CAMK2G: variants seen among roughly 807,000 people sequenced by gnomAD.
The protein encoded by CAMK2G is calcium/calmodulin-dependent protein kinase type II subunit gamma.
CAMK2G carries 23 observed loss-of-function variants against 88.7 expected under a neutral mutation model. That is an observed-to-expected ratio of 0.26 (90% confidence interval 0.19 to 0.37). The LOEUF (loss-of-function observed/expected upper bound fraction) is 0.37, where lower values mean the gene tolerates loss of function less well. Ranked by LOEUF, CAMK2G falls within the 10% of genes least tolerant of loss-of-function variation. The pLI is 1.00. For missense variants in CAMK2G, 476 were observed against 780.8 expected (o/e 0.61, Z 4.65); for synonymous variants, 263 against 294.8 (o/e 0.89, Z 1.11).
rs765221929 is a variant in CAMK2G, at chr10:73,824,063, G to A, written c.1177C>T (p.His393Tyr). 1.2e-6 allele frequency: 2 copies of A among 1,613,480 alleles called. No individual in the cohort carries two copies. The highest frequency in any genetic ancestry group is 2.2e-5 in the East Asian group (1 of 44,882). ...TAMEPQTTVV[H>Y]NATDGIKGST... The stretch of plus-strand genomic sequence containing the variant: ...ACCTTGATCCCATCTGTAGCGTTGT[G>A]TACCACAGTGGTTTGTGGCTCCTGT... Residue 393 changes from histidine (H) to tyrosine (Y), a missense_variant, in exon 17 of 23, where the codon CAC (histidine) becomes TAC (tyrosine). Transcript: ENST00000423381.
In CAMK2G at chr10:73,874,416, G is replaced by T. The variant is rs2096007496; in HGVS notation, c.46C>A (p.Leu16Ile). Residue 16 changes from leucine to isoleucine, a missense_variant, in exon 1 of 23, where the codon CTC becomes ATC. Transcript: ENST00000423381. ...CCGTACTTGCCAAGCTCCTCGAAGAGCTGGTAGTCGTCGGTGAAACGGGTG... is the reference window on the plus strand; with the variant it reads ...CCGTACTTGCCAAGCTCCTCGAAGATCTGGTAGTCGTCGGTGAAACGGGTG... ...TCTRFTDDYQLFEELGKGAFS... is the reference protein window; with the variant it reads ...TCTRFTDDYQIFEELGKGAFS... 1 of 1,515,314 alleles carries T rather than the reference G, an allele frequency of 6.6e-7. No homozygotes were observed. Among genetic ancestry groups the T allele is most frequent in the East Asian group, 2.7e-5 (1 of 37,734 alleles). The allele number at this position is 1,515,314 out of a possible 1,614,324, so 93.9% of individuals were successfully genotyped here.
chr10:73,849,420 G>A lies in CAMK2G; in HGVS notation c.342-87C>T. The stretch of plus-strand genomic sequence containing the variant: ...AACCACATGCTGCAGACTAAGGCAT[G>A]TGACAAGGGGCCACGGATTCACAGA... On this transcript the variant is annotated intron_variant, in intron 5 of 22. Transcript: ENST00000423381. 6 of 872,594 alleles carry A rather than the reference G, an allele frequency of 6.9e-6. No individual in the cohort carries two copies. The Admixed American group carries it at 1.0e-4, about 15-fold the overall frequency. 54.1% of individuals were successfully genotyped at this position (872,594 alleles called of 1,614,324 possible). A position where few individuals can be genotyped will look rare whatever the true frequency, so the allele number is the denominator to read the frequency against.
chr10:73,859,989 A>G (rs773928904), intron 3 of CAMK2G, among the ~76,000 whole-genome samples: 1 of 152,224 alleles, frequency 6.6e-6, no homozygotes, highest in Non-Finnish European at 1.5e-5. Context: ...AGCACAGAAC[A>G]CGTGTTGTCT....
At chr10:73,817,285 C>T (rs548272365) in intron 20 of CAMK2G, among the ~76,000 whole-genome samples, 168 bp from the exon 21 acceptor site, 27 of 152,330 alleles carry the variant, frequency 1.8e-4, no homozygotes, top group South Asian at 1.0e-3. Flanking sequence ...CCTGTGCTTT[C>T]GGCCCACTGC....
At chr10:73,818,055 G>A (rs1200760776) in intron 19 of CAMK2G, among the ~76,000 whole-genome samples, 1 of 152,182 alleles carries the variant, frequency 6.6e-6, no homozygotes, top group East Asian at 1.9e-4. Context: ...TAGCCTGACA[G>A]CAGAATCCAG....
At chr10:73,833,922 T>TG in intron 14 of CAMK2G, among the ~76,000 whole-genome samples, 1 of 128,060 alleles carries the variant, frequency 7.8e-6, no homozygotes, top group South Asian at 2.8e-4. Flanking sequence ...TTTTTTTTTT[T>TG]TTTTTTTTTT....
At chr10:73,859,945 G>T (rs2095294627) in intron 3 of CAMK2G, among the ~76,000 whole-genome samples, 1 of 152,248 alleles carries the variant, frequency 6.6e-6, no homozygotes, top group Admixed American at 6.5e-5. Context: ...TCTGGGGCAC[G>T]GTGGGAGCCC....
chr10:73,863,335 G>A (rs934185498), intron 2 of CAMK2G, among the ~76,000 whole-genome samples: 1 of 152,240 alleles, frequency 6.6e-6, no homozygotes, highest in Non-Finnish European at 1.5e-5. Context: ...CCAGGCACAG[G>A]GATGTGGCCA....
chr10:73,835,172 T>C (rs1446525815), intron 14 of CAMK2G, among the ~76,000 whole-genome samples: 1 of 152,162 alleles, frequency 6.6e-6, no homozygotes, highest in Non-Finnish European at 1.5e-5. Flanking sequence ...ACCTGCCAGG[T>C]GCACACCTCC....
At chr10:73,857,903 T>C (rs1190166509) in intron 3 of CAMK2G, among the ~76,000 whole-genome samples, 3 of 152,230 alleles carry the variant, frequency 2.0e-5, no homozygotes. Context: ...TCAGAGCAGT[T>C]TTAGGTTCAC....
rs1166583494 is a variant in CAMK2G at position 73,833,458 on chromosome 10, TAAC to T, written c.1053+4007_1053+4009del. Among the ~76,000 whole-genome samples the T allele has an allele frequency of 1.4e-4, 21 of 152,336 alleles. No homozygotes were observed. The East Asian group carries it at 4.0e-3, about 29-fold the overall frequency. On this transcript the variant is annotated intron_variant, in intron 14 of 22. Coordinates refer to ENST00000423381, the MANE Select transcript of CAMK2G (RefSeq NM_001367534.1). ...CCATTCTGGTTTTCACTACCATCAC[TAAC>T]TAGAGTCCAAAAATGGCACCTTGTT...
intron 15 of CAMK2G, 70 bp downstream of exon 15, chr10:73,828,019 C>T: frequency 1.6e-6 from 2 of 1,239,934 alleles, no homozygotes; most frequent in South Asian, 2.4e-5. Flanking sequence ...CGTGGCAGAA[C>T]AGGTTTGCGT....
chr10:73,870,669 C>G (rs1046876399), intron 2 of CAMK2G, among the ~76,000 whole-genome samples: 3 of 152,216 alleles, frequency 2.0e-5, no homozygotes, highest in Non-Finnish European at 4.4e-5. Flanking sequence ...CAGACCTTCA[C>G]AGATGACCCT....
intron 14 of CAMK2G, among the ~76,000 whole-genome samples, chr10:73,832,309 C>CT (rs61170350): frequency 1.6e-4 from 24 of 148,562 alleles, no homozygotes; most frequent in South Asian, 8.5e-4. Context: ...GTATGTACTC[C>CT]TTTTTTTTTT....
chr10:73,814,695 A>C, intron 22 of CAMK2G, 190 bp from the exon 23 acceptor site: 1 of 332,204 alleles, frequency 3.0e-6, no homozygotes. Flanking sequence ...TACTTATAGT[A>C]TCTTACTTAA....
chr10:73,855,479 T>G (rs981101684), intron 3 of CAMK2G, among the ~76,000 whole-genome samples: 1 of 152,208 alleles, frequency 6.6e-6, no homozygotes, highest in Admixed American at 6.5e-5. Flanking sequence ...CAGCTCTGCC[T>G]GGGCCTGGCA....
chr10:73,822,767 A>G (rs540399230), intron 17 of CAMK2G, among the ~76,000 whole-genome samples: 1 of 152,030 alleles, frequency 6.6e-6, no homozygotes, highest in Admixed American at 6.6e-5. Flanking sequence ...CCCACCCACC[A>G]TTCAGTTTCT....
chr10:73,821,262 A>T (rs1367024419), intron 18 of CAMK2G, among the ~76,000 whole-genome samples: 2 of 152,132 alleles, frequency 1.3e-5, no homozygotes, highest in African/African-American at 2.4e-5. Context: ...CTCCTGGCCC[A>T]TCACAGTCTT....
chr10:73,869,179 A>G (rs1490886412), intron 2 of CAMK2G, among the ~76,000 whole-genome samples: 3 of 152,228 alleles, frequency 2.0e-5, no homozygotes, highest in Non-Finnish European at 4.4e-5. Flanking sequence ...AAAAATGCAG[A>G]TTCTGCAGCT....
Sources: allele counts gnomAD v4.1 joint callset (sites outside exome capture counted in the v4.1 genomes callset), GRCh38; gene constraint gnomAD v4.1.1; transcripts MANE v1.5; gene names NCBI Gene and HGNC (gene_info 2026-07-23, HGNC 2026-07-21).